VOPP1: variants seen among roughly 807,000 people sequenced by gnomAD.
VOPP1 encodes VOPP1 WW domain binding protein.
VOPP1 carries 8 observed loss-of-function variants against 23.5 expected under a neutral mutation model. The observed-to-expected ratio is 0.34, with a 90% CI of 0.20 to 0.61. The LOEUF (loss-of-function observed/expected upper bound fraction) is 0.61. Among genes scored for constraint, VOPP1 ranks in the 20% least tolerant of loss-of-function variants. VOPP1 has a pLI of 0.78. For missense variants in VOPP1, 174 were observed against 238.1 expected (o/e 0.73, Z 1.77); for synonymous variants, 83 against 97.3 (o/e 0.85, Z 0.86).
At chr7:55,571,298 A>G (rs1377244674) in intron 1 of VOPP1, among the ~76,000 whole-genome samples, 1 of 152,222 alleles carries the variant, frequency 6.6e-6, no homozygotes, top group Non-Finnish European at 1.5e-5. Context: ...TTACTTTTTA[A>G]TAAAGGGCGA....
intron 4 of VOPP1, among the ~76,000 whole-genome samples, chr7:55,445,400 T>A (rs970477254): frequency 4.6e-5 from 7 of 152,130 alleles, no homozygotes; most frequent in African/African-American, 1.7e-4. Flanking sequence ...TGCCACATAA[T>A]CATAATACCA....
intron 4 of VOPP1, among the ~76,000 whole-genome samples, chr7:55,442,512 T>G (rs572036645): frequency 6.6e-6 from 1 of 152,298 alleles, no homozygotes; most frequent in South Asian, 2.1e-4. Flanking sequence ...GACAAGGATC[T>G]GAAGGAATAA....
At chr7:55,437,298 C>T (rs1340934117) in intron 4 of VOPP1, among the ~76,000 whole-genome samples, 1 of 152,242 alleles carries the variant, frequency 6.6e-6, no homozygotes, top group Non-Finnish European at 1.5e-5. Flanking sequence ...ATCTGCAGTA[C>T]CTGCTCCCTC....
chr7:55,532,206 T>G (rs1796534090), intron 1 of VOPP1, among the ~76,000 whole-genome samples: 1 of 152,252 alleles, frequency 6.6e-6, no homozygotes, highest in Admixed American at 6.5e-5. Context: ...GCCACCCACA[T>G]TTAAAGACAA....
chr7:55,563,236 TA>T (rs1562633226), intron 1 of VOPP1, among the ~76,000 whole-genome samples: 1 of 152,164 alleles, frequency 6.6e-6, no homozygotes, highest in East Asian at 1.9e-4. Context: ...CTTTCAAGCA[TA>T]AATATATATT....
At chr7:55,473,195 G>C (rs1041763648) in intron 4 of VOPP1, 150 bp from the exon 5 acceptor site, 1 of 1,258,182 alleles carries the variant, frequency 7.9e-7, no homozygotes, top group African/African-American at 1.6e-5. Flanking sequence ...GGGGGCACCT[G>C]GGCTGTGGTG....
At chr7:55,525,805 A>C (rs1017303461) in intron 1 of VOPP1, among the ~76,000 whole-genome samples, 1 of 151,834 alleles carries the variant, frequency 6.6e-6, no homozygotes, top group African/African-American at 2.4e-5. Context: ...AAAAAAAAAA[A>C]AAAAAAAAAA....
At position 55,535,086 on chromosome 7, in the gene VOPP1, G is replaced by A. The variant is rs1796706482; in HGVS notation, c.55-13956C>T. Among the ~76,000 whole-genome samples the A allele has an allele frequency of 2.6e-5, 4 of 152,286 alleles. No individual in the cohort carries two copies. The South Asian group carries it at 8.3e-4, about 32-fold the overall frequency. On this transcript the variant is annotated intron_variant, in intron 1 of 4. Coordinates refer to ENST00000285279, the MANE Select transcript of VOPP1 (RefSeq NM_030796.5). The stretch of plus-strand genomic sequence containing the variant: ...TGGCCGCATGGCCTCTAGTGCCAGG[G>A]CCTGGCTGGGGGACTCCTGACACTG...
intron 4 of VOPP1, among the ~76,000 whole-genome samples, chr7:55,446,376 G>A (rs1337061183): frequency 6.6e-6 from 1 of 152,208 alleles, no homozygotes; most frequent in African/African-American, 2.4e-5. Flanking sequence ...TGGCTGGGAA[G>A]TCCTGTGTGC....
intron 2 of VOPP1, among the ~76,000 whole-genome samples, chr7:55,518,208 G>T (rs1011917503): frequency 2.0e-5 from 3 of 152,224 alleles, no homozygotes; most frequent in African/African-American, 7.2e-5. Context: ...ATGTCACAGA[G>T]CTGGTAAACA....
chr7:55,533,380 C>T (rs530543683), intron 1 of VOPP1, among the ~76,000 whole-genome samples: 1 of 152,230 alleles, frequency 6.6e-6, no homozygotes, highest in African/African-American at 2.4e-5. Flanking sequence ...CCACAAGCAG[C>T]TTCCAGAGCC....
rs1791920655 is a variant in VOPP1, at chr7:55,472,826, T to C, written c.*29A>G. The C allele has an allele frequency of 1.9e-6, 2 of 1,027,782 alleles. No individual in the cohort carries two copies. Among genetic ancestry groups the C allele is most frequent in the Non-Finnish European group, 2.7e-6 (2 of 751,626 alleles). The allele number at this position is 1,027,782 out of a possible 1,614,324, so 63.7% of individuals were successfully genotyped here. ...GAAAGGCCAGGGAAAGGCCCTCTCC[T>C]GTCTCTCCTCTTGCACGTGGGCACC... On this transcript the variant is annotated 3_prime_UTR_variant, in exon 5 of 5. Coordinates refer to ENST00000285279, the MANE Select transcript of VOPP1 (RefSeq NM_030796.5).
intron 4 of VOPP1, among the ~76,000 whole-genome samples, chr7:55,491,767 A>G (rs1583900666): frequency 6.6e-6 from 1 of 152,368 alleles, no homozygotes; most frequent in East Asian, 1.9e-4. Context: ...AAGAATGTCT[A>G]TTGCTATGGT....
intron 1 of VOPP1, among the ~76,000 whole-genome samples, chr7:55,570,910 C>T (rs1486530009): frequency 6.6e-6 from 1 of 152,040 alleles, no homozygotes; most frequent in South Asian, 2.1e-4. Context: ...CCACAGCACT[C>T]AAGCCTGGGC....
intron 1 of VOPP1, among the ~76,000 whole-genome samples, chr7:55,534,335 C>T (rs1796659649): frequency 6.6e-6 from 1 of 152,086 alleles, no homozygotes; most frequent in Admixed American, 6.6e-5. Context: ...TTTCCTAAAC[C>T]CTCGGGTCTC....
chr7:55,563,244 T>C (rs1426316247), intron 1 of VOPP1, among the ~76,000 whole-genome samples: 1 of 152,164 alleles, frequency 6.6e-6, no homozygotes, highest in Non-Finnish European at 1.5e-5. Flanking sequence ...CATAAATATA[T>C]ATTATTAGAA....
intron 4 of VOPP1, among the ~76,000 whole-genome samples, chr7:55,462,928 A>G (rs1791541368): frequency 6.6e-6 from 1 of 151,826 alleles, no homozygotes; most frequent in Non-Finnish European, 1.5e-5. Context: ...TATATTTTTA[A>G]CTTCATTCAT....
intron 4 of VOPP1, among the ~76,000 whole-genome samples, chr7:55,452,025 C>T (rs1791258208): frequency 1.3e-5 from 2 of 152,156 alleles, no homozygotes; most frequent in South Asian, 2.1e-4. Flanking sequence ...TAGCATGCGA[C>T]GCTGTTTGAC....
At chr7:55,569,243 A>G (rs891807546) in intron 1 of VOPP1, among the ~76,000 whole-genome samples, 1 of 152,192 alleles carries the variant, frequency 6.6e-6, no homozygotes, top group Non-Finnish European at 1.5e-5. Flanking sequence ...GGGCTTCAGG[A>G]GGGGAACACA....
Sources: gnomAD v4.1 joint callset for allele counts (sites outside exome capture counted in the v4.1 genomes callset) on GRCh38, gnomAD v4.1.1 for gene constraint, MANE v1.5 for transcripts, NCBI Gene and HGNC (gene_info 2026-07-23, HGNC 2026-07-21) for gene names.